Variants in ST3GAL1 observed in about 807,000 individuals in gnomAD.
ST3GAL1 encodes the protein ST3 beta-galactoside alpha-2,3-sialyltransferase 1.
A neutral mutation model predicts 34.1 loss-of-function variants in ST3GAL1; 16 were observed. That is an observed-to-expected ratio of 0.47 (90% CI 0.32 to 0.71). The LOEUF is 0.71. ST3GAL1 is among the 30% of genes least tolerant of loss of function. The pLI, the probability that ST3GAL1 is intolerant of heterozygous loss-of-function variation, is 0.04. For missense variants in ST3GAL1, 353 were observed against 447.4 expected (o/e 0.79, Z 1.90); for synonymous variants, 191 against 184.7 (o/e 1.03, Z -0.28).
chr8:133,562,845 T>TTCCTTC (rs1563744704), intron 1 of ST3GAL1, among the ~76,000 whole-genome samples: 7 of 86,300 alleles, frequency 8.1e-5, no homozygotes, highest in African/African-American at 2.9e-4. Flanking sequence ...TTCCTTCCTT[T>TTCCTTC]CTTTCTTTTT....
chr8:133,562,553 G>A (rs1486197376), intron 1 of ST3GAL1, among the ~76,000 whole-genome samples: 2 of 152,190 alleles, frequency 1.3e-5, no homozygotes, highest in African/African-American at 4.8e-5. Flanking sequence ...CGTCAGAAGA[G>A]TTGAACTGAG....
At chr8:133,533,433 C>A (rs114947794) in intron 2 of ST3GAL1, among the ~76,000 whole-genome samples, 185 of 152,340 alleles carry the variant, frequency 1.2e-3, no homozygotes, top group African/African-American at 4.4e-3. Flanking sequence ...CCGCTCCCCA[C>A]CAACTCACCG....
At chr8:133,548,734 T>A (rs541328646) in intron 1 of ST3GAL1, among the ~76,000 whole-genome samples, 1 of 152,304 alleles carries the variant, frequency 6.6e-6, no homozygotes, top group South Asian at 2.1e-4. Context: ...TAGCAAGAAT[T>A]TACTAAGCAC....
Position 133,556,247 on chromosome 8 carries a change from A to AC in ST3GAL1, c.-581-10322dup, listed in dbSNP as rs1259856721. Reference sequence around the variant, plus strand: ...TCACCCAGGAAGATGAGTTGGTGTCACCCCCAGAGCACAAGGGGTAACACT... The same window carrying AC: ...TCACCCAGGAAGATGAGTTGGTGTCACCCCCCAGAGCACAAGGGGTAACACT... On this transcript the variant is annotated intron_variant, in intron 1 of 9. Coordinates refer to ENST00000522652, the MANE Select transcript of ST3GAL1 (RefSeq NM_173344.3). This position sits in a 1 kb window ranked among gnomAD's most constrained non-coding sequence, Gnocchi z 8.9. Among the ~76,000 whole-genome samples the AC allele has an allele frequency of 6.6e-6, 1 of 151,912 alleles. No individual in the cohort carries two copies. Among genetic ancestry groups the AC allele is most frequent in the Non-Finnish European group, 1.5e-5 (1 of 67,984 alleles).
Position 133,541,120 on chromosome 8 carries a change from T to TAGAGAGAGAGAGAGAG in ST3GAL1, c.-429+4638_-429+4653dup, listed in dbSNP as rs1554618899. On this transcript the variant is annotated intron_variant, in intron 2 of 9. Coordinates refer to ENST00000522652, the MANE Select transcript of ST3GAL1 (RefSeq NM_173344.3). ...ACATATATATATATATATATATATA[T>TAGAGAGAGAGAGAGAG]AGAGAGAGAGAGAGAGAGAGAGAGA... is the stretch of plus-strand genomic sequence containing the variant. 6.5e-3 allele frequency among the ~76,000 whole-genome samples: 316 copies of TAGAGAGAGAGAGAGAG among 48,604 alleles called. 17 individuals are homozygous for TAGAGAGAGAGAGAGAG. The highest frequency in any genetic ancestry group is 8.1e-3 in the Non-Finnish European group (221 of 27,160). 31.9% of individuals were successfully genotyped at this position (48,604 alleles called of 152,430 possible).
At chr8:133,569,308 T>C (rs984966370) in intron 1 of ST3GAL1, among the ~76,000 whole-genome samples, 2 of 152,220 alleles carry the variant, frequency 1.3e-5, no homozygotes, top group African/African-American at 4.8e-5. Context: ...TCATTCTTTA[T>C]TTAGCAAAAA....
chr8:133,475,291 C>T (rs1563700849), intron 5 of ST3GAL1, among the ~76,000 whole-genome samples: 2 of 152,250 alleles, frequency 1.3e-5, no homozygotes, highest in Non-Finnish European at 2.9e-5. Flanking sequence ...CGGCTTCCCC[C>T]TCAGAGCCTC....
chr8:133,537,630 G>A (rs1333195556), intron 2 of ST3GAL1, among the ~76,000 whole-genome samples: 1 of 152,170 alleles, frequency 6.6e-6, no homozygotes, highest in Non-Finnish European at 1.5e-5. Flanking sequence ...TGCCAGGCTT[G>A]CAGAACGCCA....
At chr8:133,537,299 CTTCTGGGGTT>C (rs71299073) in intron 2 of ST3GAL1, among the ~76,000 whole-genome samples, 41,948 of 151,912 alleles carry the variant, frequency 0.28, 7,050 homozygotes, top group Middle Eastern at 0.39. Context: ...CCAACCCAGT[CTTCTGGGGTT>C]TTATGGAAGC....
rs970743139 is a variant in ST3GAL1 at position 133,495,648 on chromosome 8, G to A, written c.-374+3487C>T. ...TTTGCAGCAACCAATCCTGAGACAT[G>A]AGGTAATGTTTCTCTCTGAGACAAA... On this transcript the variant is annotated intron_variant, in intron 3 of 9. Coordinates refer to ENST00000522652, the MANE Select transcript of ST3GAL1 (RefSeq NM_173344.3). 2.6e-5 allele frequency among the ~76,000 whole-genome samples: 4 copies of A among 152,292 alleles called. No homozygotes were observed. In the East Asian group the frequency reaches 7.7e-4, roughly 29 times the overall value.
At chr8:133,565,504 C>T (rs1373412009) in intron 1 of ST3GAL1, among the ~76,000 whole-genome samples, 2 of 152,148 alleles carry the variant, frequency 1.3e-5, no homozygotes, top group African/African-American at 4.8e-5. Flanking sequence ...CCAGGTGCTA[C>T]AGCATCCCCT....
At position 133,466,021 on chromosome 8, in the gene ST3GAL1, C is replaced by T. The variant is rs755834360; in HGVS notation, c.376G>A (p.Gly126Arg). 5 of 1,614,222 alleles carry T rather than the reference C, an allele frequency of 3.1e-6. No individual in the cohort carries two copies. The East Asian group carries it at 1.1e-4, about 36-fold the overall frequency. Reference protein sequence around the residue: ...TIKELFRVVPGNVDPMLEKRS... With the variant: ...TIKELFRVVPRNVDPMLEKRS... ...TTCTCCAGCATAGGGTCCACATTCC[C>T]AGGCACCACTCTGAACAGCTCCTTG... The change falls in exon 6 of 10, where the codon GGG becomes AGG. Residue 126 changes from glycine to arginine, a missense_variant. Physicochemically the swap from Gly to Arg is moderately radical, Grantham distance 125. Transcript: ENST00000522652. The surrounding 1 kb of genome is among the most constrained non-coding windows in gnomAD (Gnocchi z 4.4).
At chr8:133,558,157 A>C (rs1220357338) in intron 1 of ST3GAL1, among the ~76,000 whole-genome samples, 2 of 152,152 alleles carry the variant, frequency 1.3e-5, no homozygotes, top group African/African-American at 4.8e-5. Context: ...AGGTCAAAAC[A>C]CCACTGTGTG....
chr8:133,527,433 C>A (rs1344949300), intron 2 of ST3GAL1, among the ~76,000 whole-genome samples: 1 of 152,154 alleles, frequency 6.6e-6, no homozygotes, highest in Non-Finnish European at 1.5e-5. Context: ...GAATCCTTTA[C>A]ACTGCATGTC....
intron 3 of ST3GAL1, among the ~76,000 whole-genome samples, chr8:133,479,762 C>A (rs1363910432): frequency 6.6e-6 from 1 of 152,164 alleles, no homozygotes; most frequent in Middle Eastern, 3.2e-3. Context: ...CTGGGGCATC[C>A]TGCAGCCACA....
intron 7 of ST3GAL1, 100 bp downstream of exon 7, chr8:133,464,678 G>A (rs1050443995): frequency 1.5e-6 from 2 of 1,372,810 alleles, no homozygotes; most frequent in Non-Finnish European, 2.0e-6. Context: ...GGGGAGGGGA[G>A]GCACCCCGGT....
At chr8:133,550,953 C>G (rs1046218510) in intron 1 of ST3GAL1, among the ~76,000 whole-genome samples, 2 of 152,210 alleles carry the variant, frequency 1.3e-5, no homozygotes, top group Non-Finnish European at 1.5e-5. Flanking sequence ...GGATACCACT[C>G]CTGGAGGAGC....
At chr8:133,563,472 G>A (rs1471608588) in intron 1 of ST3GAL1, among the ~76,000 whole-genome samples, 1 of 152,222 alleles carries the variant, frequency 6.6e-6, no homozygotes. Context: ...AACAGGGCCG[G>A]CTGAGAATCA....
Position 133,540,886 on chromosome 8 carries a change from T to C in ST3GAL1, c.-429+4888A>G, listed in dbSNP as rs1208137191. On this transcript the variant is annotated intron_variant, in intron 2 of 9. Coordinates refer to ENST00000522652, the MANE Select transcript of ST3GAL1 (RefSeq NM_173344.3). ...ATATAGAGACATATATATAGAGACATATATATAGACATATATATAGACATA... is the reference window on the plus strand; with the variant it reads ...ATATAGAGACATATATATAGAGACACATATATAGACATATATATAGACATA... Among the ~76,000 whole-genome samples the C allele has an allele frequency of 1.9e-4, 19 of 101,894 alleles. 1 individual carries two copies. Among genetic ancestry groups the C allele is most frequent in the Non-Finnish European group, 2.1e-4 (11 of 51,922 alleles). 66.8% of individuals were successfully genotyped at this position (101,894 alleles called of 152,430 possible). A position where few individuals can be genotyped will look rare whatever the true frequency, so the allele number is the denominator to read the frequency against.
Sources: gnomAD v4.1 joint callset for allele counts (sites outside exome capture counted in the v4.1 genomes callset) on GRCh38, gnomAD v4.1.1 for gene constraint, Gnocchi (gnomAD v3.1) non-coding constraint, MANE v1.5 for transcripts, NCBI Gene and HGNC (gene_info 2026-07-23, HGNC 2026-07-21) for gene names.